PPP4R4: variants seen among roughly 807,000 people sequenced by gnomAD.
PPP4R4 encodes serine/threonine-protein phosphatase 4 regulatory subunit 4.
PPP4R4 carries 70 observed loss-of-function variants against 121.8 expected under a neutral mutation model. That is an observed-to-expected ratio of 0.57 (90% CI 0.47 to 0.70). PPP4R4 has a LOEUF of 0.70. PPP4R4 is among the 30% of genes least tolerant of loss of function. The pLI is 0.00. For missense variants in PPP4R4, 875 were observed against 1,033.6 expected (o/e 0.85, Z 2.10); for synonymous variants, 348 against 355.7 (o/e 0.98, Z 0.24).
At chr14:94,219,264 C>T (rs1343358110) in intron 3 of PPP4R4, among the ~76,000 whole-genome samples, 1 of 151,848 alleles carries the variant, frequency 6.6e-6, no homozygotes, top group East Asian at 1.9e-4. Flanking sequence ...TTAGTAGAGA[C>T]AGGGTTTCAC....
At chr14:94,201,575 T>C (rs1324643413) in intron 2 of PPP4R4, among the ~76,000 whole-genome samples, 1 of 152,226 alleles carries the variant, frequency 6.6e-6, no homozygotes, top group Non-Finnish European at 1.5e-5. Context: ...GTAATGCCCC[T>C]CTTTGTCTTT....
At chr14:94,224,771 A>G (rs1891604008) in intron 3 of PPP4R4, among the ~76,000 whole-genome samples, 1 of 152,186 alleles carries the variant, frequency 6.6e-6, no homozygotes, top group East Asian at 1.9e-4. Context: ...CCAATAAAAA[A>G]GTAAAATTTA....
chr14:94,176,051 C>T lies in PPP4R4; in HGVS notation c.118-3C>T. The T allele has an allele frequency of 6.2e-7, 1 of 1,610,576 alleles. No homozygotes were observed. Among genetic ancestry groups the T allele is most frequent in the Non-Finnish European group, 8.5e-7 (1 of 1,176,684 alleles). ...GCATAAATGTGTATTTTACCCTTGA[C>T]AGACACCGGAAGAAATAGAAAGATT... is the stretch of plus-strand genomic sequence containing the variant. On this transcript the variant is annotated splice_region_variant and splice_polypyrimidine_tract_variant and intron_variant, in intron 1 of 24. Transcript: ENST00000304338.
At chr14:94,183,180 G>A (rs1487145647) in intron 2 of PPP4R4, among the ~76,000 whole-genome samples, 1 of 152,144 alleles carries the variant, frequency 6.6e-6, no homozygotes, top group East Asian at 1.9e-4. Flanking sequence ...GAGAAACAAA[G>A]TGGATATTGG....
chr14:94,236,052 G>A (rs28637904), intron 7 of PPP4R4, among the ~76,000 whole-genome samples: 55,636 of 151,928 alleles, frequency 0.37, 11,939 homozygotes, highest in East Asian at 0.62. Flanking sequence ...GTATGGTAGA[G>A]TGTCACACAG....
chr14:94,243,689 G>T (rs1462226806), intron 11 of PPP4R4, among the ~76,000 whole-genome samples: 2 of 152,004 alleles, frequency 1.3e-5, no homozygotes, highest in South Asian at 4.1e-4. Flanking sequence ...TTGCTGGGTG[G>T]CTAGTTTCCA....
chr14:94,224,175 A>T (rs1049329964), intron 3 of PPP4R4, among the ~76,000 whole-genome samples: 1 of 152,210 alleles, frequency 6.6e-6, no homozygotes, highest in African/African-American at 2.4e-5. Flanking sequence ...CTGAGAGAAA[A>T]TCAGTGTGCC....
At chr14:94,212,202 T>C (rs918827088) in intron 3 of PPP4R4, among the ~76,000 whole-genome samples, 2 of 152,216 alleles carry the variant, frequency 1.3e-5, no homozygotes, top group African/African-American at 4.8e-5. Context: ...TTTGTTTTAT[T>C]GCATTTGCAT....
At chr14:94,231,372 A>T (rs990517027) in intron 5 of PPP4R4, 57 bp downstream of exon 5, 16 of 1,384,382 alleles carry the variant, frequency 1.2e-5, no homozygotes, top group Non-Finnish European at 1.4e-5. Flanking sequence ...GTTTTTTTTT[A>T]AAAGGTTTCT....
intron 14 of PPP4R4, among the ~76,000 whole-genome samples, chr14:94,249,422 A>G (rs985334441): frequency 1.3e-5 from 2 of 152,074 alleles, no homozygotes; most frequent in African/African-American, 2.4e-5. Context: ...TTGAATTTCA[A>G]GGATCCCCAC....
intron 3 of PPP4R4, among the ~76,000 whole-genome samples, chr14:94,226,383 C>T (rs1021405549): frequency 6.6e-6 from 1 of 152,070 alleles, no homozygotes; most frequent in African/African-American, 2.4e-5. Flanking sequence ...AAACATATCT[C>T]CCTTTGTTAT....
intron 2 of PPP4R4, among the ~76,000 whole-genome samples, chr14:94,200,109 A>G (rs1890095041): frequency 6.6e-6 from 1 of 152,046 alleles, no homozygotes; most frequent in South Asian, 2.1e-4. Context: ...GTTAATGTAA[A>G]TTAGATTACT....
At position 94,244,624 on chromosome 14, in the gene PPP4R4, C is replaced by G; in HGVS notation, c.1267-11C>G. 1 of 1,476,800 alleles carries G rather than the reference C, an allele frequency of 6.8e-7. No homozygotes were observed. Among genetic ancestry groups the G allele is most frequent in the East Asian group, 2.5e-5 (1 of 39,692 alleles). The allele number at this position is 1,476,800 out of a possible 1,614,324, so 91.5% of individuals were successfully genotyped here. A position where few individuals can be genotyped will look rare whatever the true frequency, so the allele number is the denominator to read the frequency against. ...CTCTCAAATCTGAGAGACTTTATTG[C>G]TATATTTTAGGTATCTAAGCTTCTG... On this transcript the variant is annotated splice_polypyrimidine_tract_variant and intron_variant, in intron 11 of 24. Coordinates refer to ENST00000304338, the MANE Select transcript of PPP4R4 (RefSeq NM_058237.2).
At chr14:94,181,625 G>A (rs981584251) in intron 2 of PPP4R4, among the ~76,000 whole-genome samples, 3 of 152,036 alleles carry the variant, frequency 2.0e-5, no homozygotes, top group African/African-American at 7.2e-5. Flanking sequence ...ATCAAGTTCA[G>A]TTTTCTTTAA....
chr14:94,244,204 T>A (rs1037246602), intron 11 of PPP4R4, among the ~76,000 whole-genome samples: 3 of 152,184 alleles, frequency 2.0e-5, no homozygotes, highest in African/African-American at 7.2e-5. Flanking sequence ...TTAGGAGTTA[T>A]AACTACCCCG....
At chr14:94,266,032 G>T in intron 22 of PPP4R4, 145 bp downstream of exon 22, 2 of 528,404 alleles carry the variant, frequency 3.8e-6, no homozygotes, top group Middle Eastern at 5.4e-4. Context: ...CTTCTGTAGG[G>T]ATTGTTATAT....
chr14:94,199,707 T>C lies in PPP4R4; in HGVS notation c.192-8757T>C, dbSNP rs960160902. 4.6e-5 allele frequency among the ~76,000 whole-genome samples: 7 copies of C among 152,216 alleles called. No homozygotes were observed. The East Asian group carries it at 1.4e-3, about 29-fold the overall frequency. ...TCGGGCTGCTTAGCAGCCCGCGCTC[T>C]CCTCTGACTGCCCCAGCCAAACTCC... On this transcript the variant is annotated intron_variant, in intron 2 of 24. Coordinates refer to ENST00000304338, the MANE Select transcript of PPP4R4 (RefSeq NM_058237.2).
chr14:94,207,884 T>A (rs1890546559), intron 2 of PPP4R4, among the ~76,000 whole-genome samples: 1 of 151,926 alleles, frequency 6.6e-6, no homozygotes, highest in South Asian at 2.1e-4. Flanking sequence ...AACTCCTTAA[T>A]GAATGTTAAT....
intron 19 of PPP4R4, among the ~76,000 whole-genome samples, 172 bp downstream of exon 19, chr14:94,259,541 A>G (rs552978521): frequency 1.3e-5 from 2 of 152,334 alleles, no homozygotes; most frequent in East Asian, 1.9e-4. Flanking sequence ...ATAGAAAACT[A>G]TATTTGAGAG....
Sources: allele counts gnomAD v4.1 joint callset (sites outside exome capture counted in the v4.1 genomes callset), GRCh38; gene constraint gnomAD v4.1.1; transcripts MANE v1.5; gene names NCBI Gene and HGNC (gene_info 2026-07-23, HGNC 2026-07-21).